VWA8: variants seen among roughly 807,000 people sequenced by gnomAD.
VWA8 encodes von Willebrand factor A domain containing 8, also known as von Willebrand factor A domain-containing protein 8.
In VWA8, 221 loss-of-function variants were observed where a neutral mutation model predicts 241.5. The observed-to-expected ratio is 0.91, with a 90% CI of 0.82 to 1.02. The LOEUF (loss-of-function observed/expected upper bound fraction) is 1.02. Among genes scored for constraint, VWA8 ranks in the 50% least tolerant of loss-of-function variants. The probability of loss-of-function intolerance (pLI) is 0.00; values close to 1 mark genes in which losing one functional copy is unlikely to be tolerated. For missense variants in VWA8, 2,322 were observed against 2,328.7 expected (o/e 1.00, Z 0.06); for synonymous variants, 852 against 827.1 (o/e 1.03, Z -0.52).
At chr13:41,916,410 A>T (rs989114524) in intron 2 of VWA8, among the ~76,000 whole-genome samples, 12 of 151,958 alleles carry the variant, frequency 7.9e-5, no homozygotes, top group Non-Finnish European at 1.6e-4. Flanking sequence ...ACAAGTGTGG[A>T]CCTCTCAGGG....
chr13:41,904,361 A>T (rs1304833287), intron 4 of VWA8, among the ~76,000 whole-genome samples: 1 of 152,138 alleles, frequency 6.6e-6, no homozygotes, highest in African/African-American at 2.4e-5. Context: ...ATACTCTACC[A>T]AACAAAGCCA....
At chr13:41,746,580 G>T (rs2045608696) in intron 21 of VWA8, among the ~76,000 whole-genome samples, 1 of 152,086 alleles carries the variant, frequency 6.6e-6, no homozygotes, top group Non-Finnish European at 1.5e-5. Context: ...GAATTAATTT[G>T]GTAAACGTTT....
rs1375995781 is a variant in VWA8, at chr13:41,698,517, A to G, written c.3564+554T>C. Among the ~76,000 whole-genome samples the G allele has an allele frequency of 2.0e-5, 3 of 152,190 alleles. No homozygotes were observed. The South Asian group carries it at 6.2e-4, about 32-fold the overall frequency. On this transcript the variant is annotated intron_variant, in intron 29 of 44. Transcript: ENST00000379310. ...AGTAAATGACGGATAGAACTTGAGC[A>G]TCATTAGATACTGATGGATCTCACT...
intron 24 of VWA8, among the ~76,000 whole-genome samples, chr13:41,726,193 T>G (rs1397626286): frequency 6.6e-6 from 1 of 152,230 alleles, no homozygotes; most frequent in Non-Finnish European, 1.5e-5. Flanking sequence ...AGCATTCTAT[T>G]GTGTGGATAC....
At chr13:41,733,296 A>C (rs995950474) in intron 21 of VWA8, among the ~76,000 whole-genome samples, 5 of 152,230 alleles carry the variant, frequency 3.3e-5, no homozygotes, top group African/African-American at 1.2e-4. Flanking sequence ...TTAGTAGAAG[A>C]AATATAATAA....
intron 2 of VWA8, among the ~76,000 whole-genome samples, chr13:41,924,233 T>C (rs1876715232): frequency 6.6e-6 from 1 of 151,762 alleles, no homozygotes; most frequent in African/African-American, 2.4e-5. Flanking sequence ...CAAATAGAAA[T>C]CTTGGAACTG....
intron 26 of VWA8, among the ~76,000 whole-genome samples, chr13:41,705,599 TCTTTTATTAACCTG>T (rs1479251965): frequency 6.6e-6 from 1 of 152,222 alleles, no homozygotes; most frequent in Non-Finnish European, 1.5e-5. Flanking sequence ...TAGTTCTAGT[TCTTTTATTAACCTG>T]CTATATAAAC....
chr13:41,866,348 C>A (rs1364220389), intron 10 of VWA8, among the ~76,000 whole-genome samples: 119 of 141,890 alleles, frequency 8.4e-4, no homozygotes, highest in African/African-American at 2.7e-3. Flanking sequence ...GACTCTGTCC[C>A]AAAAAAAAAA....
At chr13:41,731,509 C>T (rs567123417) in intron 22 of VWA8, among the ~76,000 whole-genome samples, 54 of 152,270 alleles carry the variant, frequency 3.5e-4, no homozygotes, top group African/African-American at 1.3e-3. Flanking sequence ...ATCTCTCACT[C>T]TGAAGAGAGA....
intron 17 of VWA8, among the ~76,000 whole-genome samples, chr13:41,795,501 G>A (rs1869650818): frequency 6.6e-6 from 1 of 152,168 alleles, no homozygotes; most frequent in Non-Finnish European, 1.5e-5. Context: ...GCATGCTTAT[G>A]TTCATTGCAG....
At position 41,643,195 on chromosome 13, in the gene VWA8, A is replaced by G. The variant is rs547661990; in HGVS notation, c.4611+27751T>C. Among the ~76,000 whole-genome samples, 50 of 152,316 alleles carry G rather than the reference A, an allele frequency of 3.3e-4. No homozygotes were observed. The South Asian group carries it at 0.01, about 31-fold the overall frequency. The stretch of plus-strand genomic sequence containing the variant: ...GTCTAAACTGCATTTTCTCTTGGGA[A>G]TAAGCCCTCCACCTTGCATTTCCCT... On this transcript the variant is annotated intron_variant, in intron 37 of 44. Transcript: ENST00000379310.
chr13:41,799,005 T>C (rs1014816499), intron 17 of VWA8, among the ~76,000 whole-genome samples: 2 of 152,252 alleles, frequency 1.3e-5, no homozygotes, highest in African/African-American at 4.8e-5. Flanking sequence ...TTGTTTGATT[T>C]TTCTTTCAGA....
At chr13:41,724,283 T>G (rs1015157653) in intron 24 of VWA8, among the ~76,000 whole-genome samples, 5 of 152,142 alleles carry the variant, frequency 3.3e-5, no homozygotes, top group African/African-American at 1.2e-4. Context: ...AGACAACTCT[T>G]TTGAGTACAA....
intron 36 of VWA8, among the ~76,000 whole-genome samples, chr13:41,673,053 A>G (rs555296027): frequency 3.9e-5 from 6 of 152,288 alleles, no homozygotes; most frequent in African/African-American, 1.4e-4. Flanking sequence ...ATTTACTACA[A>G]TTTGCACACT....
intron 3 of VWA8, among the ~76,000 whole-genome samples, chr13:41,909,665 C>T (rs143640710): frequency 6.6e-6 from 1 of 152,288 alleles, no homozygotes; most frequent in East Asian, 1.9e-4. Flanking sequence ...CACAGAGTTA[C>T]ACCCTGAACT....
intron 17 of VWA8, among the ~76,000 whole-genome samples, chr13:41,799,841 T>C (rs1198595191): frequency 1.3e-5 from 2 of 152,192 alleles, no homozygotes. Context: ...GTTTCTAGTA[T>C]ATTCACAGAG....
Position 41,666,286 on chromosome 13 carries a change from A to G in VWA8, c.4611+4660T>C, listed in dbSNP as rs147825125. ...TTCTGGTTCAAGAAGAGTATGGCCA[A>G]TTGGTTACTGGGATAACTGCAGGCT... On this transcript the variant is annotated intron_variant, in intron 37 of 44. Transcript: ENST00000379310. Among the ~76,000 whole-genome samples, 280 of 152,266 alleles carry G rather than the reference A, an allele frequency of 1.8e-3. 1 individual carries two copies. Among genetic ancestry groups the G allele is most frequent in the African/African-American group, 6.3e-3 (262 of 41,556 alleles).
At chr13:41,716,313 C>T (rs1268470874) in intron 26 of VWA8, among the ~76,000 whole-genome samples, 1 of 151,986 alleles carries the variant, frequency 6.6e-6, no homozygotes, top group Non-Finnish European at 1.5e-5. Flanking sequence ...GTTAAATTCA[C>T]CTCATCACAT....
In VWA8 at chr13:41,690,228, C is replaced by T. The variant is rs902653553; in HGVS notation, c.3914G>A (p.Gly1305Glu). The change falls in exon 33 of 45, where the codon GGG (glycine) becomes GAG (glutamate). Residue 1305 changes from glycine to glutamate, a missense_variant. Physicochemically the swap from Gly to Glu is moderately conservative, Grantham distance 98 (BLOSUM62 -2). Coordinates refer to ENST00000379310, the MANE Select transcript of VWA8 (RefSeq NM_015058.2). Reference protein sequence around the residue: ...KPAHIESEGSGVCQLYVLKEE... With the variant: ...KPAHIESEGSEVCQLYVLKEE... ...TTTCAGCACATACAACTGGCAAACC[C>T]CACTACCCTCAGATTCGATGTGTGC... 6 of 1,612,706 alleles carry T rather than the reference C, an allele frequency of 3.7e-6. No individual in the cohort carries two copies. The highest frequency in any genetic ancestry group is 1.7e-5 in the Admixed American group (1 of 59,876).
Sources: allele counts gnomAD v4.1 joint callset (sites outside exome capture counted in the v4.1 genomes callset), GRCh38; gene constraint gnomAD v4.1.1; transcripts MANE v1.5; gene names NCBI Gene and HGNC (gene_info 2026-07-23, HGNC 2026-07-21).